FANCL: variants seen among roughly 807,000 people sequenced by gnomAD.
The protein encoded by FANCL is FA complementation group L, also known as E3 ubiquitin-protein ligase FANCL.
Under a neutral mutation model 59.4 loss-of-function variants are expected in FANCL, and 69 were observed. The observed-to-expected ratio is 1.16, with a 90% CI of 0.96 to 1.42. The LOEUF (loss-of-function observed/expected upper bound fraction) is 1.42, where lower values mean the gene tolerates loss of function less well. Ranked by LOEUF, FANCL falls within the 40% of genes most tolerant of loss-of-function variation. The probability of loss-of-function intolerance (pLI) is 0.00; values close to 1 mark genes in which losing one functional copy is unlikely to be tolerated. For synonymous variants in FANCL, 180 were observed against 147.1 expected (o/e 1.22, Z -1.62); for missense variants, 519 against 447.2 (o/e 1.16, Z -1.45).
intron 7 of FANCL, among the ~76,000 whole-genome samples, chr2:58,177,309 C>A (rs1373854886): frequency 1.3e-5 from 2 of 152,128 alleles, no homozygotes; most frequent in Non-Finnish European, 2.9e-5. Flanking sequence ...ATAAATCATG[C>A]TGCTATAAAG....
chr2:58,211,204 G>T (rs1238498794), intron 5 of FANCL, among the ~76,000 whole-genome samples: 1 of 152,228 alleles, frequency 6.6e-6, no homozygotes, highest in Non-Finnish European at 1.5e-5. Flanking sequence ...CTGAAATCTA[G>T]GCGGAGGTTC....
chr2:58,231,924 T>C (rs1407175105), intron 2 of FANCL, 130 bp downstream of exon 2: 4 of 750,772 alleles, frequency 5.3e-6, no homozygotes, highest in African/African-American at 5.2e-5. Context: ...ATCAGAAATG[T>C]TTCTTTTGGG....
intron 13 of FANCL, 120 bp downstream of exon 13, chr2:58,159,988 A>C: frequency 6.5e-7 from 1 of 1,542,984 alleles, no homozygotes; most frequent in Non-Finnish European, 8.7e-7. Context: ...GAAAAATAGA[A>C]ATACAGAGAA....
intron 5 of FANCL, among the ~76,000 whole-genome samples, chr2:58,220,514 A>T (rs1289507040): frequency 6.6e-6 from 1 of 152,242 alleles, no homozygotes; most frequent in East Asian, 1.9e-4. Flanking sequence ...TAATAATCAC[A>T]GTGCATTTTT....
intron 12 of FANCL, 38 bp from the exon 13 acceptor site, chr2:58,160,217 GATTACAA>G: frequency 6.3e-7 from 1 of 1,591,646 alleles, no homozygotes; most frequent in East Asian, 2.2e-5. Flanking sequence ...GCGTCAGCAT[GATTACAA>G]ATTACAGATA....
chr2:58,191,295 G>C (rs1236694357), intron 7 of FANCL, among the ~76,000 whole-genome samples: 1 of 151,688 alleles, frequency 6.6e-6, no homozygotes, highest in African/African-American at 2.4e-5. Flanking sequence ...TTAAAATATT[G>C]ATCACAACAT....
intron 8 of FANCL, among the ~76,000 whole-genome samples, chr2:58,164,463 T>C (rs923385002): frequency 6.6e-6 from 1 of 152,120 alleles, no homozygotes; most frequent in African/African-American, 2.4e-5. Flanking sequence ...AAATTTCTTA[T>C]TAGCCCTCAA....
intron 7 of FANCL, among the ~76,000 whole-genome samples, chr2:58,169,599 C>T (rs938895351): frequency 6.6e-6 from 1 of 151,836 alleles, no homozygotes; most frequent in African/African-American, 2.4e-5. Flanking sequence ...TAATAACAAA[C>T]TCCTCTGAGC....
intron 7 of FANCL, among the ~76,000 whole-genome samples, chr2:58,168,837 C>T (rs1381977864): frequency 6.6e-6 from 1 of 152,114 alleles, no homozygotes. Flanking sequence ...CACGAGGAAG[C>T]TGGAACTGGG....
intron 4 of FANCL, among the ~76,000 whole-genome samples, chr2:58,226,192 T>C (rs1692981749): frequency 1.3e-5 from 2 of 152,138 alleles, no homozygotes; most frequent in South Asian, 4.1e-4. Context: ...TCTTCCCTCT[T>C]CTTTTGTTTA....
At chr2:58,186,675 G>A (rs1321073252) in intron 7 of FANCL, among the ~76,000 whole-genome samples, 1 of 152,156 alleles carries the variant, frequency 6.6e-6, no homozygotes, top group Non-Finnish European at 1.5e-5. Flanking sequence ...ACACTTACAG[G>A]TGTAGATATG....
intron 5 of FANCL, among the ~76,000 whole-genome samples, chr2:58,214,802 C>G (rs1691544721): frequency 6.6e-6 from 1 of 152,112 alleles, no homozygotes; most frequent in Non-Finnish European, 1.5e-5. Context: ...TGTGAGCCAC[C>G]ACACCTGGCC....
chr2:58,221,565 T>C (rs1692483717), intron 5 of FANCL, among the ~76,000 whole-genome samples: 1 of 152,202 alleles, frequency 6.6e-6, no homozygotes, highest in Admixed American at 6.5e-5. Flanking sequence ...TGCCAAATTG[T>C]ATATTAACCA....
At chr2:58,181,947 T>C (rs913234073) in intron 7 of FANCL, among the ~76,000 whole-genome samples, 2 of 151,644 alleles carry the variant, frequency 1.3e-5, no homozygotes, top group Non-Finnish European at 3.0e-5. Flanking sequence ...TCTTCAAATC[T>C]ATATATTTAA....
chr2:58,159,972 G>T (rs1429403838), intron 13 of FANCL, 136 bp downstream of exon 13: 36 of 1,528,446 alleles, frequency 2.4e-5, no homozygotes, highest in Non-Finnish European at 3.1e-5. Context: ...TTTGATCAGA[G>T]AATTTGAAAA....
At chr2:58,189,341 G>A (rs1373739285) in intron 7 of FANCL, among the ~76,000 whole-genome samples, 1 of 152,152 alleles carries the variant, frequency 6.6e-6, no homozygotes, top group Non-Finnish European at 1.5e-5. Flanking sequence ...CAGTAGATGT[G>A]TAGAAACTAA....
chr2:58,180,389 A>AT lies in FANCL; in HGVS notation c.541-14516dup, dbSNP rs1335944469. Among the ~76,000 whole-genome samples, 3 of 152,334 alleles carry AT rather than the reference A, an allele frequency of 2.0e-5. No homozygotes were observed. In the South Asian group the frequency reaches 6.2e-4, roughly 32 times the overall value. On this transcript the variant is annotated intron_variant, in intron 7 of 13. Transcript: ENST00000233741. ...ATACACCATGGAATACTATGCAGCC[A>AT]TAAAAAAGGATGAGTTCATGTCCTT... is the stretch of plus-strand genomic sequence containing the variant.
intron 3 of FANCL, among the ~76,000 whole-genome samples, chr2:58,228,901 A>G (rs1218824067): frequency 6.6e-6 from 1 of 152,174 alleles, no homozygotes; most frequent in Non-Finnish European, 1.5e-5. Flanking sequence ...TGCTATTTCA[A>G]TATGTCAACA....
In FANCL at chr2:58,181,195, A is replaced by G. The variant is rs1245732719; in HGVS notation, c.541-15321T>C. ...AGGATTAACAAACCTCAGTATATTC[A>G]TGCAATGGACTATTACTCAGGAATA... is the stretch of plus-strand genomic sequence containing the variant. On this transcript the variant is annotated intron_variant, in intron 7 of 13. Coordinates refer to ENST00000233741, the MANE Select transcript of FANCL (RefSeq NM_018062.4). Among the ~76,000 whole-genome samples, 3 of 152,098 alleles carry G rather than the reference A, an allele frequency of 2.0e-5. No individual in the cohort carries two copies. In the East Asian group the frequency reaches 5.8e-4, roughly 29 times the overall value.
Sources: allele counts gnomAD v4.1 joint callset (sites outside exome capture counted in the v4.1 genomes callset), GRCh38; gene constraint gnomAD v4.1.1; transcripts MANE v1.5; gene names NCBI Gene and HGNC (gene_info 2026-07-23, HGNC 2026-07-21).